NBAS: variants seen among roughly 807,000 people sequenced by gnomAD.
NBAS encodes NBAS subunit of NRZ tethering complex, also known as NAG/BC035112 fusion.
A neutral mutation model predicts 302.5 loss-of-function variants in NBAS; 219 were observed. That is an observed-to-expected ratio of 0.72 (90% CI 0.65 to 0.81). The LOEUF (loss-of-function observed/expected upper bound fraction) is 0.81, where lower values mean the gene tolerates loss of function less well. Ranked by LOEUF, NBAS falls within the 30% of genes least tolerant of loss-of-function variation. The pLI is 0.00. For synonymous variants in NBAS, 1,118 were observed against 1,021.6 expected (o/e 1.09, Z -1.80); for missense variants, 2,932 against 2,841.6 (o/e 1.03, Z -0.72).
At chr2:15,171,096 G>C (rs1023327389) in intron 51 of NBAS, among the ~76,000 whole-genome samples, 29 of 152,254 alleles carry the variant, frequency 1.9e-4, no homozygotes, top group African/African-American at 6.7e-4. Context: ...GGTACTCTCT[G>C]ACCATGCATT....
chr2:15,223,837 A>C (rs1667052687), intron 47 of NBAS, among the ~76,000 whole-genome samples: 1 of 152,106 alleles, frequency 6.6e-6, no homozygotes, highest in Non-Finnish European at 1.5e-5. Flanking sequence ...CAAATAAAAA[A>C]AAAAAAAGGT....
chr2:15,397,080 G>A (rs1675899107), intron 26 of NBAS, among the ~76,000 whole-genome samples: 1 of 152,246 alleles, frequency 6.6e-6, no homozygotes, highest in South Asian at 2.1e-4. Flanking sequence ...GAGGAAGCCA[G>A]TAAGCAGGGA....
intron 44 of NBAS, among the ~76,000 whole-genome samples, chr2:15,258,275 T>C (rs548118290): frequency 5.3e-5 from 8 of 152,268 alleles, no homozygotes; most frequent in African/African-American, 1.9e-4. Context: ...AAATTGATTG[T>C]AAAATGTGTG....
chr2:14,852,570 A>G, the NBAS span, among the ~76,000 whole-genome samples: 50 of 108,914 alleles, frequency 4.6e-4, 8 homozygotes, highest in Non-Finnish European at 1.9e-5. Flanking sequence ...GGAAAAAACT[A>G]CTTTAAAGTT....
At chr2:15,138,501 G>A in the NBAS span, among the ~76,000 whole-genome samples, 3 of 152,206 alleles carry the variant, frequency 2.0e-5, no homozygotes, top group African/African-American at 4.8e-5. Flanking sequence ...CCTGAGCTCC[G>A]TGCTGTCCAC....
the NBAS span, among the ~76,000 whole-genome samples, chr2:14,846,195 ATGTC>A: frequency 2.6e-5 from 4 of 152,200 alleles, no homozygotes; most frequent in African/African-American, 4.8e-5. Context: ...CAGCTTGAAT[ATGTC>A]TGCCAGCCAT....
the NBAS span, among the ~76,000 whole-genome samples, chr2:15,080,122 C>A: frequency 6.6e-6 from 1 of 152,170 alleles, no homozygotes; most frequent in African/African-American, 2.4e-5. Flanking sequence ...TCCCATCATA[C>A]CATGAACACC....
chr2:15,201,267 G>T (rs545663832), intron 48 of NBAS, among the ~76,000 whole-genome samples: 5 of 152,134 alleles, frequency 3.3e-5, no homozygotes, highest in African/African-American at 1.2e-4. Flanking sequence ...TGTATGCAAG[G>T]CTTCAAAAAA....
the NBAS span, among the ~76,000 whole-genome samples, chr2:15,104,188 C>T: frequency 6.6e-6 from 1 of 152,132 alleles, no homozygotes; most frequent in African/African-American, 2.4e-5. Flanking sequence ...AGGTCTCTTG[C>T]CTGCTCCCAT....
Position 15,402,162 on chromosome 2 carries a change from T to C in NBAS, c.3071+6A>G. 1 of 1,613,452 alleles carries C rather than the reference T, an allele frequency of 6.2e-7. No homozygotes were observed. Among genetic ancestry groups the C allele is most frequent in the Non-Finnish European group, 8.5e-7 (1 of 1,179,528 alleles). ...ACAATAAGACTGGCATACTGTGTAT[T>C]CTTACCCATATCCTCTTTCTGGCAG... On this transcript the variant is annotated splice_donor_region_variant and intron_variant, in intron 26 of 51. Transcript: ENST00000281513.
chr2:15,251,443 A>G (rs1194879098), intron 44 of NBAS, among the ~76,000 whole-genome samples: 1 of 152,198 alleles, frequency 6.6e-6, no homozygotes, highest in Non-Finnish European at 1.5e-5. Context: ...ATATCCTAGA[A>G]CTTGAAGTAT....
chr2:15,483,173 T>G (rs1395341713), intron 12 of NBAS: 1 of 156,950 alleles, frequency 6.4e-6, no homozygotes, highest in East Asian at 1.9e-4. Context: ...GCTTATTCAT[T>G]CCACAAATAT....
At chr2:15,090,683 A>G in the NBAS span, among the ~76,000 whole-genome samples, 1 of 152,218 alleles carries the variant, frequency 6.6e-6, no homozygotes, top group Admixed American at 6.5e-5. Flanking sequence ...TAGGTAGCTA[A>G]CGTGGCCAAC....
chr2:15,046,933 G>T, the NBAS span, among the ~76,000 whole-genome samples: 1 of 152,180 alleles, frequency 6.6e-6, no homozygotes, highest in Non-Finnish European at 1.5e-5. Flanking sequence ...ACCTATAACT[G>T]GTCCAGTCAA....
chr2:15,180,330 A>T (rs1269266008), intron 50 of NBAS: 1 of 152,222 alleles, frequency 6.6e-6, no homozygotes, highest in Non-Finnish European at 1.5e-5. Context: ...TGTGACAATG[A>T]TCAATACCAG....
the NBAS span, among the ~76,000 whole-genome samples, chr2:14,813,142 A>G: frequency 6.6e-6 from 1 of 152,220 alleles, no homozygotes; most frequent in East Asian, 1.9e-4. Context: ...AATCTCAGGT[A>G]GTTCTTTATA....
intron 35 of NBAS, among the ~76,000 whole-genome samples, chr2:15,347,016 G>A (rs1422372525): frequency 6.6e-6 from 1 of 152,088 alleles, no homozygotes; most frequent in Non-Finnish European, 1.5e-5. Context: ...TTGCGGGAGA[G>A]GAGAGGAAAC....
chr2:15,091,593 C>T, the NBAS span, among the ~76,000 whole-genome samples: 1 of 150,312 alleles, frequency 6.7e-6, no homozygotes, highest in East Asian at 2.0e-4. Context: ...AGTGCAGTGG[C>T]ACTATCTAGG....
chr2:15,158,840 G>T, the NBAS span, among the ~76,000 whole-genome samples: 1 of 152,144 alleles, frequency 6.6e-6, no homozygotes, highest in Admixed American at 6.5e-5. Flanking sequence ...AAATGGGGGC[G>T]GTTGGTCAGA....
Sources: allele counts gnomAD v4.1 joint callset (sites outside exome capture counted in the v4.1 genomes callset), GRCh38; gene constraint gnomAD v4.1.1; transcripts MANE v1.5; gene names NCBI Gene and HGNC (gene_info 2026-07-23, HGNC 2026-07-21).